The following MYH4 variants were observed in gnomAD, a reference collection of about 807,000 sequenced individuals.
The protein encoded by MYH4 is myosin heavy chain 4.
Under a neutral mutation model 229.9 loss-of-function variants are expected in MYH4, and 200 were observed. The observed-to-expected ratio is 0.87, with a 90% CI of 0.78 to 0.98. The LOEUF is 0.98. Among genes scored for constraint, MYH4 ranks in the 50% least tolerant of loss-of-function variants. The pLI is 0.00. For synonymous variants in MYH4, 761 were observed against 834.6 expected (o/e 0.91, Z 1.52); for missense variants, 2,148 against 2,332.6 (o/e 0.92, Z 1.63).
At chr17:10,451,515 G>A in intron 27 of MYH4, 63 bp from the exon 28 acceptor site, 1 of 1,549,972 alleles carries the variant, frequency 6.5e-7, no homozygotes, top group Admixed American at 1.9e-5. Flanking sequence ...CTGGGATTTA[G>A]AGATCTGTAA....
chr17:10,448,334 T>C (rs1017206082), intron 33 of MYH4, 62 bp downstream of exon 33: 139 of 1,527,782 alleles, frequency 9.1e-5, no homozygotes, highest in Non-Finnish European at 1.2e-4. Context: ...ATGATAGAGA[T>C]CTCAGTTGCT....
At chr17:10,449,760 C>T (rs1045530991) in intron 30 of MYH4, among the ~76,000 whole-genome samples, 1 of 152,156 alleles carries the variant, frequency 6.6e-6, no homozygotes, top group Non-Finnish European at 1.5e-5. Context: ...GTCTACTACT[C>T]TTCACCAACC....
intron 35 of MYH4, among the ~76,000 whole-genome samples, chr17:10,445,884 C>T (rs185575296): frequency 4.6e-5 from 7 of 151,736 alleles, no homozygotes; most frequent in African/African-American, 9.7e-5. Flanking sequence ...AAAAATTAGT[C>T]GAGTGTGGTG....
Position 10,464,462 on chromosome 17 carries a change from T to G in MYH4, c.648+10A>C, listed in dbSNP as rs762440277. ...CTGTTATTCTGTCCTTAGATGAATA[T>G]CATGCCCACCTGCATTTTGCCAGAG... On this transcript the variant is annotated intron_variant, in intron 7 of 39. Transcript: ENST00000255381. 4.8e-5 allele frequency: 77 copies of G among 1,606,882 alleles called. No homozygotes were observed. The highest frequency in any genetic ancestry group is 6.5e-5 in the Non-Finnish European group (76 of 1,174,864).
Position 10,457,437 on chromosome 17 carries a change from GC to G in MYH4, c.1879del (p.Ala627HisfsTer33). 6.2e-7 allele frequency: 1 copy of G among 1,606,528 alleles called. No individual in the cohort carries two copies. Among genetic ancestry groups the G allele is most frequent in the Non-Finnish European group, 8.5e-7 (1 of 1,175,356 alleles). The part of the protein sequence containing the change: ...MKTLAFLFSG[A>X]QTAEAEGGGG... ...AACATGACCTGCTTCAGCAGTTTGTGCCCCAGAGAAGAGGAAAGCCAGAGTC... is the reference window on the plus strand; with the variant it reads ...AACATGACCTGCTTCAGCAGTTTGTGCCCAGAGAAGAGGAAAGCCAGAGTC... On this transcript the variant is annotated frameshift_variant, in exon 16 of 40. Coordinates refer to ENST00000255381, the MANE Select transcript of MYH4 (RefSeq NM_017533.2). LOFTEE classifies it high-confidence loss of function.
chr17:10,459,133 T>A, intron 15 of MYH4, 118 bp downstream of exon 15: 23 of 1,514,958 alleles, frequency 1.5e-5, no homozygotes, highest in Non-Finnish European at 2.1e-5. Context: ...CCAATCAGAA[T>A]ATACGAGTGT....
At chr17:10,446,735 A>G (rs970218285) in intron 35 of MYH4, among the ~76,000 whole-genome samples, 2 of 152,176 alleles carry the variant, frequency 1.3e-5, no homozygotes, top group Non-Finnish European at 2.9e-5. Flanking sequence ...CAAGACAGCT[A>G]CAAATGTTGT....
chr17:10,463,672 GA>G (rs758803109), intron 7 of MYH4, 29 bp from the exon 8 acceptor site: 46 of 1,528,284 alleles, frequency 3.0e-5, no homozygotes, highest in Non-Finnish European at 3.9e-5. Flanking sequence ...GACAGACAAA[GA>G]AAAAAGTTGC....
At chr17:10,459,863 A>G in intron 14 of MYH4, 89 bp downstream of exon 14, 1 of 1,605,156 alleles carries the variant, frequency 6.2e-7, no homozygotes, top group Non-Finnish European at 8.5e-7. Context: ...ACATTTGTAT[A>G]TTTTGTAAGG....
intron 30 of MYH4, among the ~76,000 whole-genome samples, chr17:10,449,430 CAG>C (rs1008434465): frequency 1.2e-4 from 19 of 152,082 alleles, no homozygotes; most frequent in African/African-American, 4.6e-4. Context: ...AAGTAGAAAA[CAG>C]GAAGAGACAG....
At chr17:10,464,983 A>T (rs533231377) in intron 5 of MYH4, among the ~76,000 whole-genome samples, 130 of 152,336 alleles carry the variant, frequency 8.5e-4, no homozygotes, top group Non-Finnish European at 1.7e-3. Context: ...ATTAATAACA[A>T]TTTTGTGTCC....
Position 10,461,016 on chromosome 17 carries a change from C to G in MYH4, c.1047G>C (p.Lys349Asn), listed in dbSNP as rs200338533. The G allele has an allele frequency of 3.7e-6, 6 of 1,614,072 alleles. No homozygotes were observed. The highest frequency in any genetic ancestry group is 1.6e-4 in the Middle Eastern group (1 of 6,062). The change falls in exon 12 of 40, where the codon AAG becomes AAC. Residue 349 changes from lysine (K) to asparagine (N), a missense_variant. Physicochemically the swap from Lys to Asn is moderately conservative, Grantham distance 94. Transcript: ENST00000255381. ...VDILGFTADE[K>N]VAIYKLTGAV... ...CTCCAGTGAGCTTGTAAATGGCCACCTTTTCATCAGCAGTGAAACCCAGGA... is the reference window on the plus strand; with the variant it reads ...CTCCAGTGAGCTTGTAAATGGCCACGTTTTCATCAGCAGTGAAACCCAGGA...
Position 10,448,787 on chromosome 17 carries a change from G to A in MYH4, c.4366-4C>T, listed in dbSNP as rs199773223. The A allele has an allele frequency of 1.5e-5, 24 of 1,613,388 alleles. 1 individual carries two copies. Among genetic ancestry groups the A allele is most frequent in the Non-Finnish European group, 1.7e-6 (2 of 1,179,872 alleles). On this transcript the variant is annotated splice_region_variant and splice_polypyrimidine_tract_variant and intron_variant, in intron 31 of 39. Coordinates refer to ENST00000255381, the MANE Select transcript of MYH4 (RefSeq NM_017533.2). ...TCTGTTTCCATTCTGCCAGAACCTGGAAGTATATAGAAAATAAGCCTTTGA... is the reference window on the plus strand; with the variant it reads ...TCTGTTTCCATTCTGCCAGAACCTGAAAGTATATAGAAAATAAGCCTTTGA...
chr17:10,464,466 G>T lies in MYH4; in HGVS notation c.648+6C>A, dbSNP rs2072738949. The T allele has an allele frequency of 6.2e-7, 1 of 1,608,390 alleles. No homozygotes were observed. Among genetic ancestry groups the T allele is most frequent in the Non-Finnish European group, 8.5e-7 (1 of 1,176,174 alleles). On this transcript the variant is annotated splice_donor_region_variant and intron_variant, in intron 7 of 39. Coordinates refer to ENST00000255381, the MANE Select transcript of MYH4 (RefSeq NM_017533.2). ...TATTCTGTCCTTAGATGAATATCAT[G>T]CCCACCTGCATTTTGCCAGAGGCAG... is the stretch of plus-strand genomic sequence containing the variant.
chr17:10,469,051 A>G (rs2072795079), intron 2 of MYH4, among the ~76,000 whole-genome samples: 1 of 151,888 alleles, frequency 6.6e-6, no homozygotes, highest in Non-Finnish European at 1.5e-5. Flanking sequence ...TAAATATTAC[A>G]TATGATGGCT....
chr17:10,463,120 T>C lies in MYH4; in HGVS notation c.874A>G (p.Ile292Val). 2.5e-6 allele frequency: 4 copies of C among 1,613,582 alleles called. No individual in the cohort carries two copies. The highest frequency in any genetic ancestry group is 3.4e-6 in the Non-Finnish European group (4 of 1,179,686). Residue 292 changes from isoleucine to valine, a missense_variant, in exon 10 of 40, where the codon ATC (isoleucine) becomes GTC (valine). Physicochemically the swap from Ile to Val is conservative, Grantham distance 29. Coordinates refer to ENST00000255381, the MANE Select transcript of MYH4 (RefSeq NM_017533.2). ...AGCTCTGGTTTCTTATTGGACAGGA[T>C]TTGATAAAATATGTGGTAGCTTCTT... is the stretch of plus-strand genomic sequence containing the variant. ...AERSYHIFYQ[I>V]LSNKKPELIE...
At chr17:10,446,822 C>T (rs1025606447) in intron 35 of MYH4, among the ~76,000 whole-genome samples, 191 bp downstream of exon 35, 1 of 152,192 alleles carries the variant, frequency 6.6e-6, no homozygotes, top group African/African-American at 2.4e-5. Context: ...TTCAACTCAA[C>T]ATGATTATGC....
At chr17:10,457,328 T>G (rs1390288216) in intron 16 of MYH4, 92 bp downstream of exon 16, 1 of 1,398,168 alleles carries the variant, frequency 7.2e-7, no homozygotes, top group Non-Finnish European at 9.7e-7. Flanking sequence ...AGTGTTTTTG[T>G]GTCAGGTTTT....
chr17:10,468,985 A>G (rs533246351), intron 2 of MYH4, among the ~76,000 whole-genome samples: 11 of 152,368 alleles, frequency 7.2e-5, no homozygotes, highest in Admixed American at 1.3e-4. Context: ...CCTTGATTTT[A>G]TCATGCGGTC....
Sources: allele counts gnomAD v4.1 joint callset (sites outside exome capture counted in the v4.1 genomes callset), GRCh38; gene constraint gnomAD v4.1.1; transcripts MANE v1.5; gene names NCBI Gene and HGNC (gene_info 2026-07-23, HGNC 2026-07-21).